DLGAP1: variants seen among roughly 807,000 people sequenced by gnomAD.
DLGAP1 encodes disks large-associated protein 1.
DLGAP1 carries 11 observed loss-of-function variants against 90.8 expected under a neutral mutation model. The ratio of observed to expected loss-of-function variants is 0.12; its 90% CI spans 0.08 to 0.20. The LOEUF (loss-of-function observed/expected upper bound fraction) is 0.20. Ranked by LOEUF, DLGAP1 falls within the 10% of genes least tolerant of loss-of-function variation. The probability of loss-of-function intolerance (pLI) is 1.00; values close to 1 mark genes in which losing one functional copy is unlikely to be tolerated. For synonymous variants in DLGAP1, 558 were observed against 540.7 expected (o/e 1.03, Z -0.44); for missense variants, 1,050 against 1,333.8 (o/e 0.79, Z 3.31).
rs1568080261 is a variant in DLGAP1, at chr18:3,499,474, G to T, written c.2725-80C>A. 1 of 1,446,926 alleles carries T rather than the reference G, an allele frequency of 6.9e-7. No homozygotes were observed. Among genetic ancestry groups the T allele is most frequent in the Non-Finnish European group, 9.4e-7 (1 of 1,067,428 alleles). The allele number at this position is 1,446,926 out of a possible 1,614,324, so 89.6% of individuals were successfully genotyped here. Reference sequence around the variant, plus strand: ...AAAAACTGGGATAGGTCAGTAGTTAGAACACACAGTTTTTTACCTAGGGGT... The same window carrying T: ...AAAAACTGGGATAGGTCAGTAGTTATAACACACAGTTTTTTACCTAGGGGT... On this transcript the variant is annotated intron_variant, in intron 12 of 12. Transcript: ENST00000315677. The surrounding 1 kb of genome is among the most constrained non-coding windows in gnomAD (Gnocchi z 6.4).
At chr18:4,321,244 T>C (rs1598894009) in intron 1 of DLGAP1, among the ~76,000 whole-genome samples, 1 of 152,230 alleles carries the variant, frequency 6.6e-6, no homozygotes, top group East Asian at 1.9e-4. Context: ...TTAGTGGAAA[T>C]GATTTACACA....
intron 5 of DLGAP1, among the ~76,000 whole-genome samples, chr18:3,799,574 G>A (rs1227821050): frequency 6.9e-6 from 1 of 145,860 alleles, no homozygotes. Context: ...ATTTTACATT[G>A]TTACCTCCGG....
intron 1 of DLGAP1, among the ~76,000 whole-genome samples, chr18:4,438,235 G>A (rs568341917): frequency 2.0e-5 from 3 of 152,088 alleles, no homozygotes; most frequent in East Asian, 3.9e-4. Context: ...GGTGCATGGC[G>A]AATAAGGAAT....
intron 2 of DLGAP1, among the ~76,000 whole-genome samples, chr18:4,148,520 C>A (rs1254872237): frequency 6.6e-6 from 1 of 152,152 alleles, no homozygotes; most frequent in Admixed American, 6.5e-5. Context: ...TGAGAAGACA[C>A]AGTAATTTTT....
rs111359150 is a variant in DLGAP1 at position 4,128,476 on chromosome 18, G to T, written c.-159+22704C>A. 5.1e-4 allele frequency among the ~76,000 whole-genome samples: 77 copies of T among 152,190 alleles called. 1 individual carries two copies. Among genetic ancestry groups the T allele is most frequent in the African/African-American group, 1.8e-3 (74 of 41,534 alleles). On this transcript the variant is annotated intron_variant, in intron 2 of 12. Coordinates refer to ENST00000315677, the MANE Select transcript of DLGAP1 (RefSeq NM_004746.4). ...TCTCCTGCAACTGCTGATTCCACAC[G>T]TGAAAATGTGATTATATTACTTGAC...
chr18:3,502,770 C>T (rs1265130167), intron 11 of DLGAP1, 125 bp from the exon 12 acceptor site: 10 of 1,080,622 alleles, frequency 9.3e-6, no homozygotes, highest in Admixed American at 8.6e-5. Flanking sequence ...TTTTCCGACA[C>T]GAGGTAAAAG....
At chr18:3,703,839 C>T (rs960090409) in intron 7 of DLGAP1, among the ~76,000 whole-genome samples, 3 of 152,140 alleles carry the variant, frequency 2.0e-5, no homozygotes, top group Non-Finnish European at 4.4e-5. Flanking sequence ...CAGAGGGAGA[C>T]TTTCCACACA....
intron 1 of DLGAP1, among the ~76,000 whole-genome samples, chr18:4,223,156 T>C (rs1357107): frequency 0.35 from 52,861 of 152,024 alleles, 11,368 homozygotes; most frequent in East Asian, 0.77. Flanking sequence ...GTGAAGCATT[T>C]AGTACATTTT....
At chr18:3,969,279 A>G (rs1326817987) in intron 3 of DLGAP1, among the ~76,000 whole-genome samples, 1 of 152,136 alleles carries the variant, frequency 6.6e-6, no homozygotes, top group African/African-American at 2.4e-5. Context: ...CAATCAACAC[A>G]CCAATAATTG....
chr18:4,269,561 A>T (rs575754061), intron 1 of DLGAP1, among the ~76,000 whole-genome samples: 1 of 151,790 alleles, frequency 6.6e-6, no homozygotes, highest in Non-Finnish European at 1.5e-5. Context: ...TCACCGTGTT[A>T]GCCAGGATGG....
At chr18:4,063,950 T>C (rs993311668) in intron 2 of DLGAP1, among the ~76,000 whole-genome samples, 7 of 152,078 alleles carry the variant, frequency 4.6e-5, no homozygotes, top group Non-Finnish European at 8.8e-5. Context: ...AGTGAATCTT[T>C]AAGGGGCTGA....
At chr18:4,081,664 C>G (rs7227204) in intron 2 of DLGAP1, among the ~76,000 whole-genome samples, 1 of 152,024 alleles carries the variant, frequency 6.6e-6, no homozygotes, top group Non-Finnish European at 1.5e-5. Flanking sequence ...TAACTTAACT[C>G]ATATTGGAGG....
intron 1 of DLGAP1, among the ~76,000 whole-genome samples, chr18:4,182,373 A>G (rs539427592): frequency 6.6e-6 from 1 of 152,282 alleles, no homozygotes; most frequent in East Asian, 1.9e-4. Context: ...TTTCACCCTT[A>G]CGGGCCGGAA....
intron 3 of DLGAP1, among the ~76,000 whole-genome samples, chr18:3,998,753 C>T (rs1234699451): frequency 6.6e-6 from 1 of 152,076 alleles, no homozygotes; most frequent in Admixed American, 6.6e-5. Context: ...TTGCTGTATT[C>T]ATAATACACA....
chr18:3,863,120 T>C (rs1364927263), intron 4 of DLGAP1, among the ~76,000 whole-genome samples: 1 of 152,250 alleles, frequency 6.6e-6, no homozygotes, highest in Non-Finnish European at 1.5e-5. Context: ...TACTGACCAC[T>C]AGAAACGTAG....
intron 9 of DLGAP1, among the ~76,000 whole-genome samples, chr18:3,544,306 T>A (rs1183027161): frequency 6.6e-6 from 1 of 152,162 alleles, no homozygotes; most frequent in Non-Finnish European, 1.5e-5. Flanking sequence ...CGAGATTGCT[T>A]GAATCCGGGA....
At chr18:3,628,188 CTTT>C (rs71160904) in intron 7 of DLGAP1, among the ~76,000 whole-genome samples, 8 of 123,658 alleles carry the variant, frequency 6.5e-5, no homozygotes, top group African/African-American at 9.5e-5. Context: ...GTGCTATATT[CTTT>C]TTTTTTTTTT....
chr18:3,525,367 T>C (rs1485206361), intron 10 of DLGAP1, among the ~76,000 whole-genome samples: 1 of 152,224 alleles, frequency 6.6e-6, no homozygotes, highest in Non-Finnish European at 1.5e-5. Context: ...AAACTGTATA[T>C]TTTATTTGAA....
intron 1 of DLGAP1, among the ~76,000 whole-genome samples, chr18:4,453,479 C>T (rs1269326863): frequency 6.6e-6 from 1 of 152,090 alleles, no homozygotes; most frequent in Admixed American, 6.5e-5. Context: ...GCAAAATGAC[C>T]TAGGCCAATA....
Sources: allele counts gnomAD v4.1 joint callset (sites outside exome capture counted in the v4.1 genomes callset), GRCh38; gene constraint gnomAD v4.1.1; non-coding constraint Gnocchi (gnomAD v3.1); transcripts MANE v1.5; gene names NCBI Gene and HGNC (gene_info 2026-07-23, HGNC 2026-07-21).